B3GALT1: variants seen among roughly 807,000 people sequenced by gnomAD.
B3GALT1 encodes the protein UDP-Gal:betaGlcNAc beta 1,3-galactosyltransferase, polypeptide 1.
A neutral mutation model predicts 23.2 loss-of-function variants in B3GALT1; 10 were observed. The observed-to-expected ratio is 0.43, with a 90% confidence interval of 0.27 to 0.73. The LOEUF (loss-of-function observed/expected upper bound fraction) is 0.73, where lower values mean the gene tolerates loss of function less well. Ranked by LOEUF, B3GALT1 falls within the 30% of genes least tolerant of loss-of-function variation. The probability of loss-of-function intolerance (pLI) is 0.21; values close to 1 mark genes in which losing one functional copy is unlikely to be tolerated. For missense variants in B3GALT1, 299 were observed against 405.4 expected (o/e 0.74, Z 2.25); for synonymous variants, 156 against 141.5 (o/e 1.10, Z -0.73).
intron 2 of B3GALT1, among the ~76,000 whole-genome samples, chr2:167,509,432 A>G (rs771241111): frequency 2.6e-5 from 4 of 152,006 alleles, no homozygotes; most frequent in African/African-American, 7.2e-5. Flanking sequence ...ATATATATAC[A>G]TATGTGTGTG....
At chr2:167,565,936 A>C (rs1004772925) in intron 2 of B3GALT1, among the ~76,000 whole-genome samples, 3 of 152,096 alleles carry the variant, frequency 2.0e-5, no homozygotes, top group Non-Finnish European at 2.9e-5. Flanking sequence ...TGTGGAAGTC[A>C]GTGTGGCGAT....
intron 2 of B3GALT1, among the ~76,000 whole-genome samples, chr2:167,604,314 AT>A (rs1684926483): frequency 6.6e-6 from 1 of 152,136 alleles, no homozygotes; most frequent in Non-Finnish European, 1.5e-5. Context: ...GATGACAAGA[AT>A]TTGCTCCACG....
rs1379707837 is a variant in B3GALT1, at chr2:167,300,609, C to T, written c.-511+7275C>T. Among the ~76,000 whole-genome samples the T allele has an allele frequency of 1.3e-5, 2 of 152,100 alleles. 1 individual carries two copies. The highest frequency in any genetic ancestry group is 4.8e-5 in the African/African-American group (2 of 41,428). ...AGAAGAGAATAAATGACCTCAGATGCAAACTCTAAAATATGCAAAAATAAA... is the reference window on the plus strand; with the variant it reads ...AGAAGAGAATAAATGACCTCAGATGTAAACTCTAAAATATGCAAAAATAAA... On this transcript the variant is annotated intron_variant, in intron 1 of 4. Coordinates refer to ENST00000392690, the MANE Select transcript of B3GALT1 (RefSeq NM_020981.4).
chr2:167,778,986 C>T (rs1284863455), intron 3 of B3GALT1, among the ~76,000 whole-genome samples: 1 of 152,178 alleles, frequency 6.6e-6, no homozygotes, highest in Admixed American at 6.5e-5. Flanking sequence ...TTCTGTGACA[C>T]CTGTCAATTC....
intron 1 of B3GALT1, among the ~76,000 whole-genome samples, chr2:167,370,389 C>A (rs1358544805): frequency 6.7e-6 from 1 of 149,912 alleles, no homozygotes; most frequent in Non-Finnish European, 1.5e-5. Flanking sequence ...TTGATGATTT[C>A]ATTCAACAAA....
At chr2:167,351,316 A>T (rs1697305270) in intron 1 of B3GALT1, among the ~76,000 whole-genome samples, 1 of 152,098 alleles carries the variant, frequency 6.6e-6, no homozygotes. Context: ...CAAAAACAAA[A>T]AAATGTCATT....
intron 2 of B3GALT1, among the ~76,000 whole-genome samples, chr2:167,627,176 G>A (rs116156051): frequency 1.3e-3 from 204 of 151,684 alleles, no homozygotes; most frequent in African/African-American, 4.2e-3. Flanking sequence ...GTGTGTGTCA[G>A]TTTTTTTATA....
intron 1 of B3GALT1, among the ~76,000 whole-genome samples, chr2:167,310,469 A>G (rs2105485744): frequency 6.6e-6 from 1 of 152,172 alleles, no homozygotes; most frequent in South Asian, 2.1e-4. Context: ...TTGATCAGAG[A>G]CCTGGGTTAA....
chr2:167,602,665 T>C (rs1465531452), intron 2 of B3GALT1, among the ~76,000 whole-genome samples: 5 of 152,174 alleles, frequency 3.3e-5, no homozygotes, highest in Non-Finnish European at 7.3e-5. Context: ...CTAGGAACAG[T>C]GGATTAAATA....
chr2:167,845,135 C>T (rs1382044339), intron 4 of B3GALT1, among the ~76,000 whole-genome samples: 2 of 152,128 alleles, frequency 1.3e-5, no homozygotes, highest in Admixed American at 6.5e-5. Flanking sequence ...CCACTGCCCC[C>T]ACCTGATGCT....
At chr2:167,562,548 C>G (rs1684023443) in intron 2 of B3GALT1, among the ~76,000 whole-genome samples, 1 of 151,972 alleles carries the variant, frequency 6.6e-6, no homozygotes, top group South Asian at 2.1e-4. Context: ...GATTGTATAT[C>G]TAGAAAACCC....
chr2:167,852,175 C>T (rs780462144), intron 4 of B3GALT1, among the ~76,000 whole-genome samples: 5 of 152,122 alleles, frequency 3.3e-5, no homozygotes, highest in Non-Finnish European at 7.3e-5. Context: ...GAACACAGCA[C>T]AGCAGCTATT....
chr2:167,728,419 T>G (rs1343036618), intron 3 of B3GALT1, among the ~76,000 whole-genome samples: 1 of 152,198 alleles, frequency 6.6e-6, no homozygotes, highest in Non-Finnish European at 1.5e-5. Flanking sequence ...CACCAAAATG[T>G]ATTTTAAGAC....
chr2:167,444,924 T>C (rs1415900933), intron 1 of B3GALT1, among the ~76,000 whole-genome samples: 1 of 152,232 alleles, frequency 6.6e-6, no homozygotes, highest in Non-Finnish European at 1.5e-5. Context: ...AATGTGTTGC[T>C]CTTGCTTCTC....
chr2:167,627,565 C>T (rs1558929337), intron 2 of B3GALT1, among the ~76,000 whole-genome samples: 1 of 151,608 alleles, frequency 6.6e-6, no homozygotes, highest in Admixed American at 6.6e-5. Context: ...TTGTTTTTCC[C>T]TTTTCTACTT....
intron 3 of B3GALT1, among the ~76,000 whole-genome samples, chr2:167,771,986 G>C (rs1422662004): frequency 2.6e-5 from 4 of 152,156 alleles, no homozygotes; most frequent in Non-Finnish European, 4.4e-5. Context: ...CATTACCATT[G>C]TAAGTTATGC....
At chr2:167,697,395 A>G (rs1438107104) in intron 3 of B3GALT1, among the ~76,000 whole-genome samples, 1 of 152,208 alleles carries the variant, frequency 6.6e-6, no homozygotes, top group Non-Finnish European at 1.5e-5. Flanking sequence ...TTTGCATTCC[A>G]ATAAGATGGC....
At chr2:167,333,930 G>A (rs1313208931) in intron 1 of B3GALT1, among the ~76,000 whole-genome samples, 2 of 151,936 alleles carry the variant, frequency 1.3e-5, no homozygotes, top group Non-Finnish European at 2.9e-5. Flanking sequence ...TTAGGCTTAA[G>A]AAGCTTTTAA....
intron 1 of B3GALT1, among the ~76,000 whole-genome samples, chr2:167,442,245 A>T (rs1246096415): frequency 6.6e-6 from 1 of 152,148 alleles, no homozygotes; most frequent in Non-Finnish European, 1.5e-5. Context: ...TCCATGGTGT[A>T]TATGTGCCAC....
Sources: gnomAD v4.1 joint callset for allele counts (sites outside exome capture counted in the v4.1 genomes callset) on GRCh38, gnomAD v4.1.1 for gene constraint, MANE v1.5 for transcripts, NCBI Gene and HGNC (gene_info 2026-07-23, HGNC 2026-07-21) for gene names.